KPNA6: variants seen among roughly 807,000 people sequenced by gnomAD.
KPNA6 encodes the protein importin subunit alpha-7.
In KPNA6, 9 loss-of-function variants were observed where a neutral mutation model predicts 72.0. That is an observed-to-expected ratio of 0.13 (90% confidence interval 0.08 to 0.22). The LOEUF (loss-of-function observed/expected upper bound fraction) is 0.22. Among genes scored for constraint, KPNA6 ranks in the 10% least tolerant of loss-of-function variants. KPNA6 has a pLI of 1.00. For synonymous variants in KPNA6, 219 were observed against 242.1 expected, an observed-to-expected ratio of 0.90 and a Z score of 0.89; for missense variants, 374 against 655.7, an observed-to-expected ratio of 0.57 and a Z score of 4.69.
intron 1 of KPNA6, among the ~76,000 whole-genome samples, chr1:32,125,989 A>AAC (rs1230368729): frequency 1.3e-5 from 2 of 151,388 alleles, no homozygotes; most frequent in Admixed American, 1.3e-4. Flanking sequence ...TAAAAAAAAA[A>AAC]AAAAAAAAAA....
Position 32,166,101 on chromosome 1 carries a change from C to T in KPNA6, c.991-4C>T, listed in dbSNP as rs34822269. On this transcript the variant is annotated splice_polypyrimidine_tract_variant and splice_region_variant and intron_variant, in intron 10 of 13. Coordinates refer to ENST00000373625, the MANE Select transcript of KPNA6 (RefSeq NM_012316.5). ...TTTTGTTTCCTGTGCTTTTGGTGTT[C>T]TAGGTCATTCTTAACTGTTCAGCCC... The T allele has an allele frequency of 6.2e-7, 1 of 1,604,298 alleles. No individual in the cohort carries two copies. The highest frequency in any genetic ancestry group is 1.3e-5 in the African/African-American group (1 of 74,382).
intron 1 of KPNA6, among the ~76,000 whole-genome samples, chr1:32,144,206 A>G (rs1234553511): frequency 6.6e-6 from 1 of 152,200 alleles, no homozygotes; most frequent in Non-Finnish European, 1.5e-5. Flanking sequence ...GGATGACTTG[A>G]CCACAAACAC....
intron 2 of KPNA6, among the ~76,000 whole-genome samples, chr1:32,156,446 G>C (rs2124065475): frequency 6.6e-6 from 1 of 152,168 alleles, no homozygotes; most frequent in East Asian, 1.9e-4. Context: ...AGGGTTACTT[G>C]AACACAAGCA....
Position 32,163,284 on chromosome 1 carries a change from A to G in KPNA6, c.961A>G (p.Ile321Val), listed in dbSNP as rs1253429804. ...TCCTGCCCTGAGAGCCGTGGGTAAC[A>G]TCGTCACTGGGGATGACATCCAGAC... ...ASPALRAVGNIVTGDDIQTQV... is the reference protein window; with the variant it reads ...ASPALRAVGNVVTGDDIQTQV... The change falls in exon 10 of 14, where the codon ATC (isoleucine) becomes GTC (valine). Residue 321 changes from isoleucine to valine, a missense_variant. Around this residue, in one of 3 missense-constraint regions of KPNA6, gnomAD observed 298 missense variants for 495.4 expected, o/e 0.60. Transcript: ENST00000373625. The G allele has an allele frequency of 2.5e-6, 4 of 1,613,222 alleles. No homozygotes were observed. The highest frequency in any genetic ancestry group is 1.7e-5 in the Admixed American group (1 of 59,950).
intron 1 of KPNA6, among the ~76,000 whole-genome samples, chr1:32,145,586 A>C (rs1462747657): frequency 6.6e-6 from 1 of 152,042 alleles, no homozygotes; most frequent in Admixed American, 6.6e-5. Flanking sequence ...CGGCCTCCCA[A>C]AGTGTTGAGA....
In KPNA6 at chr1:32,170,804, T is replaced by C; in HGVS notation, c.1521T>C (p.Asp507=). The change falls in exon 14 of 14, where the codon GAT becomes GAC. Residue 507 remains aspartate, a synonymous_variant. Transcript: ENST00000373625. ...LIEHYFGVED[D]DSSLAPQVDE... ...AGCACTACTTTGGTGTAGAAGACGA[T>C]GATAGCAGCCTGGCTCCCCAAGTCG... The C allele has an allele frequency of 3.7e-6, 6 of 1,614,186 alleles. No individual in the cohort carries two copies. The highest frequency in any genetic ancestry group is 1.7e-5 in the Admixed American group (1 of 60,026).
rs555002097 is a variant in KPNA6, at chr1:32,176,469, T to G, written c.*5575T>G. Reference sequence around the variant, plus strand: ...GTGCTGAGTCCAGACAAATGTTATTTATATACACATCCAAATTTGAAGAGA... The same window carrying G: ...GTGCTGAGTCCAGACAAATGTTATTGATATACACATCCAAATTTGAAGAGA... On this transcript the variant is annotated 3_prime_UTR_variant, in exon 14 of 14. Transcript: ENST00000373625. The G allele has an allele frequency of 6.6e-6, 1 of 152,578 alleles. No individual in the cohort carries two copies. Among genetic ancestry groups the G allele is most frequent in the South Asian group, 2.1e-4 (1 of 4,828 alleles). The allele number at this position is 152,578 out of a possible 1,614,324, so 9.5% of individuals were successfully genotyped here.
intron 1 of KPNA6, among the ~76,000 whole-genome samples, chr1:32,132,593 G>C (rs1403602996): frequency 6.6e-6 from 1 of 152,142 alleles, no homozygotes; most frequent in African/African-American, 2.4e-5. Flanking sequence ...AGTCAGTGCA[G>C]CCATTTTATT....
intron 1 of KPNA6, among the ~76,000 whole-genome samples, chr1:32,145,622 G>A (rs1243692141): frequency 6.6e-6 from 1 of 152,168 alleles, no homozygotes; most frequent in Non-Finnish European, 1.5e-5. Context: ...ACCCCGCCTG[G>A]TCTGGCTAAT....
At chr1:32,132,970 G>A (rs531680916) in intron 1 of KPNA6, among the ~76,000 whole-genome samples, 5 of 152,084 alleles carry the variant, frequency 3.3e-5, no homozygotes, top group South Asian at 2.1e-4. Context: ...CCTGGGCTCC[G>A]GTGATCCACC....
At chr1:32,142,747 C>T (rs534873160) in intron 1 of KPNA6, among the ~76,000 whole-genome samples, 1 of 152,282 alleles carries the variant, frequency 6.6e-6, no homozygotes, top group African/African-American at 2.4e-5. Context: ...AAAAATTCAT[C>T]CACAGCAAGT....
At position 32,166,029 on chromosome 1, in the gene KPNA6, AC is replaced by A. The variant is rs1474379353; in HGVS notation, c.991-75del. ...AAAAACAAAAACAACAACAACAACA[AC>A]AACAACAAAAAAACATAAAAAAAAT... is the stretch of plus-strand genomic sequence containing the variant. On this transcript the variant is annotated intron_variant, in intron 10 of 13. Coordinates refer to ENST00000373625, the MANE Select transcript of KPNA6 (RefSeq NM_012316.5). The A allele has an allele frequency of 1.8e-4, 265 of 1,488,604 alleles. 1 individual carries two copies. In the East Asian group the frequency reaches 2.5e-3, roughly 14 times the overall value. 92.2% of individuals were successfully genotyped at this position (1,488,604 alleles called of 1,614,324 possible). A position where few individuals can be genotyped will look rare whatever the true frequency, so the allele number is the denominator to read the frequency against.
intron 1 of KPNA6, among the ~76,000 whole-genome samples, chr1:32,119,030 A>AT (rs1402526300): frequency 1.0e-3 from 58 of 56,508 alleles, no homozygotes; most frequent in East Asian, 3.0e-3. Flanking sequence ...ATATATATAT[A>AT]TATTTTTTTT....
At chr1:32,136,664 A>AT (rs1464288573) in intron 1 of KPNA6, among the ~76,000 whole-genome samples, 1 of 152,236 alleles carries the variant, frequency 6.6e-6, no homozygotes, top group Non-Finnish European at 1.5e-5. Flanking sequence ...TAGAACAATG[A>AT]TTCAGAGTAT....
At chr1:32,123,739 T>TAAAAAAAAAAAAAAAAAAAAAAAA (rs56952347) in intron 1 of KPNA6, among the ~76,000 whole-genome samples, 1 of 99,938 alleles carries the variant, frequency 1.0e-5, no homozygotes. Flanking sequence ...GACCCTGTCT[T>TAAAAAAAAAAAAAAAAAAAAAAAA]AAAAAAAAAA....
At chr1:32,136,181 C>CTTTTTTTTTTTTTTTTTTTTTTTTTT (rs759447035) in intron 1 of KPNA6, among the ~76,000 whole-genome samples, 1 of 139,304 alleles carries the variant, frequency 7.2e-6, no homozygotes, top group African/African-American at 2.7e-5. Context: ...TAGCTTCTCT[C>CTTTTTTTTTTTTTTTTTTTTTTTTTT]TTTTTTTTTT....
intron 2 of KPNA6, among the ~76,000 whole-genome samples, chr1:32,155,702 T>TATTA (rs1336858839): frequency 3.4e-5 from 5 of 147,564 alleles, no homozygotes; most frequent in Non-Finnish European, 7.4e-5. Context: ...ACCTGATTAT[T>TATTA]ATTATTTATT....
intron 1 of KPNA6, among the ~76,000 whole-genome samples, chr1:32,137,252 C>CT (rs1218064553): frequency 2.0e-5 from 3 of 152,174 alleles, no homozygotes; most frequent in African/African-American, 7.2e-5. Context: ...GCACGGCTCA[C>CT]TGTAGTCTCA....
In KPNA6 at chr1:32,153,688, G is replaced by A. The variant is rs562814947; in HGVS notation, c.5-900G>A. The stretch of plus-strand genomic sequence containing the variant: ...GAAATCTAACCTCATTAGTAATCTG[G>A]GATATGCAAATAATCATCTCTGTGA... On this transcript the variant is annotated intron_variant, in intron 1 of 13. Transcript: ENST00000373625. 8.5e-4 allele frequency among the ~76,000 whole-genome samples: 129 copies of A among 152,172 alleles called. 1 individual carries two copies. The highest frequency in any genetic ancestry group is 1.4e-3 in the Non-Finnish European group (94 of 68,010).
Sources: gnomAD v4.1 joint callset for allele counts (sites outside exome capture counted in the v4.1 genomes callset) on GRCh38, gnomAD v4.1.1 for gene constraint, gnomAD v4.1.1 regional missense constraint, MANE v1.5 for transcripts, NCBI Gene and HGNC (gene_info 2026-07-23, HGNC 2026-07-21) for gene names.